Variants in RAB3C observed in about 807,000 individuals in gnomAD.
RAB3C encodes RAB3C, member RAS oncogene family, also known as ras-related protein Rab-3C.
In RAB3C, 17 loss-of-function variants were observed where a neutral mutation model predicts 26.4. The ratio of observed to expected loss-of-function variants is 0.64; its 90% CI spans 0.44 to 0.97. The LOEUF (loss-of-function observed/expected upper bound fraction) is 0.97. RAB3C is among the 50% of genes least tolerant of loss of function. RAB3C has a pLI of 0.00. For missense variants in RAB3C, 242 were observed against 281.9 expected (o/e 0.86, Z 1.01); for synonymous variants, 91 against 95.9 (o/e 0.95, Z 0.30).
intron 4 of RAB3C, among the ~76,000 whole-genome samples, chr5:58,842,257 T>C (rs911520666): frequency 6.6e-6 from 1 of 152,230 alleles, no homozygotes; most frequent in Non-Finnish European, 1.5e-5. Flanking sequence ...AGTCCCTTGA[T>C]GGATTTTGAG....
intron 2 of RAB3C, among the ~76,000 whole-genome samples, chr5:58,621,523 C>T (rs951062535): frequency 2.6e-5 from 4 of 152,248 alleles, no homozygotes; most frequent in Admixed American, 2.6e-4. Context: ...GTGGAATCCT[C>T]CAGCTATAGA....
intron 1 of RAB3C, among the ~76,000 whole-genome samples, chr5:58,586,981 C>G (rs1276228080): frequency 6.6e-6 from 1 of 152,146 alleles, no homozygotes; most frequent in Non-Finnish European, 1.5e-5. Flanking sequence ...ATCCCTCTAT[C>G]TTTCTGAGAA....
chr5:58,638,426 T>G (rs1307928523), intron 2 of RAB3C, among the ~76,000 whole-genome samples: 1 of 152,184 alleles, frequency 6.6e-6, no homozygotes, highest in Non-Finnish European at 1.5e-5. Context: ...TGGCATGTTT[T>G]GGTCATCCTT....
chr5:58,610,194 CTGTGTG>C (rs1168785442), intron 1 of RAB3C, among the ~76,000 whole-genome samples: 4 of 143,386 alleles, frequency 2.8e-5, no homozygotes, highest in South Asian at 2.3e-4. Flanking sequence ...TTTTGTTTTT[CTGTGTG>C]TGTGTGTGTG....
chr5:58,699,876 T>G (rs186305234), intron 2 of RAB3C, among the ~76,000 whole-genome samples: 1 of 152,170 alleles, frequency 6.6e-6, no homozygotes, highest in African/African-American at 2.4e-5. Context: ...TGTCACTGCT[T>G]CCCTTGGCTA....
intron 1 of RAB3C, among the ~76,000 whole-genome samples, chr5:58,603,480 A>G (rs1474740148): frequency 6.6e-6 from 1 of 152,092 alleles, no homozygotes; most frequent in Non-Finnish European, 1.5e-5. Context: ...ACATAATCCC[A>G]GACCCCTTGG....
At chr5:58,583,291 G>C in intron 1 of RAB3C, 59 bp downstream of exon 1, 1 of 1,610,512 alleles carries the variant, frequency 6.2e-7, no homozygotes, top group Non-Finnish European at 8.5e-7. Flanking sequence ...TTTTCCCCTT[G>C]CTCCGCGCAC....
intron 2 of RAB3C, among the ~76,000 whole-genome samples, chr5:58,709,431 T>C (rs1202204806): frequency 6.6e-6 from 1 of 152,220 alleles, no homozygotes; most frequent in Non-Finnish European, 1.5e-5. Flanking sequence ...GTCCTCAAAC[T>C]GAGATGTCTG....
At chr5:58,765,678 G>A (rs1043454832) in intron 3 of RAB3C, among the ~76,000 whole-genome samples, 3 of 151,984 alleles carry the variant, frequency 2.0e-5, no homozygotes, top group African/African-American at 4.8e-5. Context: ...CCTTTTAATG[G>A]ACATAAAATA....
chr5:58,710,876 C>A (rs1424557924), intron 2 of RAB3C, among the ~76,000 whole-genome samples: 2 of 152,066 alleles, frequency 1.3e-5, no homozygotes, highest in Non-Finnish European at 2.9e-5. Flanking sequence ...TTCTTTCTAT[C>A]TATTTTAGGG....
chr5:58,845,299 G>A (rs984630586), intron 4 of RAB3C, among the ~76,000 whole-genome samples: 9 of 152,062 alleles, frequency 5.9e-5, no homozygotes, highest in Non-Finnish European at 1.0e-4. Context: ...GAAGAGTGTC[G>A]GCAAATCAGG....
At chr5:58,651,792 C>G (rs910795721) in intron 2 of RAB3C, among the ~76,000 whole-genome samples, 4 of 152,140 alleles carry the variant, frequency 2.6e-5, no homozygotes, top group Non-Finnish European at 5.9e-5. Context: ...AGGACCACCC[C>G]CATCCCTATA....
At chr5:58,810,314 T>C (rs1397396894) in intron 3 of RAB3C, among the ~76,000 whole-genome samples, 1 of 151,306 alleles carries the variant, frequency 6.6e-6, no homozygotes, top group Non-Finnish European at 1.5e-5. Context: ...ACCTTGAAAA[T>C]AGTGGTCAAG....
intron 3 of RAB3C, among the ~76,000 whole-genome samples, chr5:58,816,487 C>T (rs373292261): frequency 3.9e-5 from 6 of 152,128 alleles, no homozygotes; most frequent in East Asian, 1.9e-4. Flanking sequence ...AGTGACCTTC[C>T]GTTGCTTTCA....
intron 3 of RAB3C, among the ~76,000 whole-genome samples, chr5:58,746,395 T>C (rs1741404713): frequency 6.6e-6 from 1 of 152,018 alleles, no homozygotes; most frequent in African/African-American, 2.4e-5. Context: ...GGAGAGAGAA[T>C]GGGTGATATG....
chr5:58,799,746 T>C (rs1400072077), intron 3 of RAB3C, among the ~76,000 whole-genome samples: 3 of 152,194 alleles, frequency 2.0e-5, no homozygotes, highest in Admixed American at 2.0e-4. Flanking sequence ...CATTAAGGCC[T>C]AATGTAAACT....
At position 58,853,085 on chromosome 5, in the gene RAB3C, A is replaced by C. The variant is rs1204138380; in HGVS notation, c.*1734A>C. Reference sequence around the variant, plus strand: ...CTTCCTAGTTGAAGATCCACTAATCAGTAGTACATTTCTACTTTGGTGCCC... The same window carrying C: ...CTTCCTAGTTGAAGATCCACTAATCCGTAGTACATTTCTACTTTGGTGCCC... On this transcript the variant is annotated 3_prime_UTR_variant, in exon 5 of 5. Coordinates refer to ENST00000282878, the MANE Select transcript of RAB3C (RefSeq NM_138453.4). 1 of 152,238 alleles carries C rather than the reference A, an allele frequency of 6.6e-6. No homozygotes were observed. The highest frequency in any genetic ancestry group is 2.4e-5 in the African/African-American group (1 of 41,466). The allele number at this position is 152,238 out of a possible 1,614,324, so 9.4% of individuals were successfully genotyped here.
intron 3 of RAB3C, among the ~76,000 whole-genome samples, chr5:58,816,245 G>T (rs1289909151): frequency 6.6e-6 from 1 of 152,116 alleles, no homozygotes; most frequent in African/African-American, 2.4e-5. Context: ...TAGCAAGAGG[G>T]TAAGTGGGCT....
At chr5:58,730,472 A>T (rs941402094) in intron 3 of RAB3C, among the ~76,000 whole-genome samples, 1 of 152,082 alleles carries the variant, frequency 6.6e-6, no homozygotes, top group African/African-American at 2.4e-5. Context: ...CTACAACAGG[A>T]AATAAGGTAT....
Sources: allele counts gnomAD v4.1 joint callset (sites outside exome capture counted in the v4.1 genomes callset), GRCh38; gene constraint gnomAD v4.1.1; transcripts MANE v1.5; gene names NCBI Gene and HGNC (gene_info 2026-07-23, HGNC 2026-07-21).